EEF2KMT: variants seen among roughly 807,000 people sequenced by gnomAD.
EEF2KMT encodes protein-lysine N-methyltransferase EEF2KMT.
EEF2KMT carries 30 observed loss-of-function variants against 35.1 expected under a neutral mutation model. That is an observed-to-expected ratio of 0.85 (90% confidence interval 0.64 to 1.16). The LOEUF (loss-of-function observed/expected upper bound fraction) is 1.16. Ranked by LOEUF, EEF2KMT falls within the 50% of genes most tolerant of loss-of-function variation. The pLI, the probability that EEF2KMT is intolerant of heterozygous loss-of-function variation, is 0.00. For synonymous variants in EEF2KMT, 190 were observed against 187.7 expected, an observed-to-expected ratio of 1.01 and a Z score of -0.10; for missense variants, 499 against 438.2, an observed-to-expected ratio of 1.14 and a Z score of -1.24.
At chr16:5,095,321 G>T in intron 2 of EEF2KMT, 131 bp downstream of exon 2, 3 of 1,425,798 alleles carry the variant, frequency 2.1e-6, no homozygotes, top group Non-Finnish European at 2.9e-6. Context: ...CTGCAGTGCT[G>T]ACTCAATGGT....
intron 7 of EEF2KMT, among the ~76,000 whole-genome samples, chr16:5,087,928 TTTTTTTTTA>T (rs1227724312): frequency 4.5e-5 from 1 of 22,308 alleles, no homozygotes; most frequent in Non-Finnish European, 1.3e-4. Context: ...ACTTCCTTTT[TTTTTTTTTA>T]TTTTTTATTT....
chr16:5,093,630 C>T, intron 2 of EEF2KMT, 66 bp from the exon 3 acceptor site: 2 of 1,608,038 alleles, frequency 1.2e-6, no homozygotes, highest in South Asian at 2.2e-5. Flanking sequence ...AGCTTCAAGC[C>T]AACACAGCAG....
chr16:5,086,675 T>A (rs1389511721), intron 7 of EEF2KMT: 1 of 151,888 alleles, frequency 6.6e-6, no homozygotes, highest in Non-Finnish European at 1.5e-5. Context: ...TCAGCCTCTT[T>A]TATTATTTGT....
chr16:5,093,390 T>C, intron 3 of EEF2KMT, 94 bp downstream of exon 3: 1 of 1,580,112 alleles, frequency 6.3e-7, no homozygotes. Flanking sequence ...TGCTGGGGTT[T>C]GCAAAGCAGG....
In EEF2KMT at chr16:5,090,526, T is replaced by C. The variant is rs759649441; in HGVS notation, c.382A>G (p.Ile128Val). Residue 128 changes from isoleucine (I) to valine (V), a missense_variant, in exon 5 of 8, where the codon ATC (isoleucine) becomes GTC (valine). Transcript: ENST00000427587. This position sits in a 1 kb window ranked among gnomAD's most constrained non-coding sequence, Gnocchi z 4.1. ...AGGCCTGTGGTACCGTAGGAGATGATGGCCGTGCTCTCGGAGAGTGTGACC... is the reference window on the plus strand; with the variant it reads ...AGGCCTGTGGTACCGTAGGAGATGACGGCCGTGCTCTCGGAGAGTGTGACC... Reference protein sequence around the residue: ...GSVTLSESTAIISYGTTGLVT... With the variant: ...GSVTLSESTAVISYGTTGLVT... 1.6e-5 allele frequency: 25 copies of C among 1,611,812 alleles called. No homozygotes were observed. The highest frequency in any genetic ancestry group is 1.7e-6 in the Non-Finnish European group (2 of 1,179,822).
Position 5,090,712 on chromosome 16 carries a change from A to G in EEF2KMT, c.343-147T>C, listed in dbSNP as rs553729289. 17 of 1,117,630 alleles carry G rather than the reference A, an allele frequency of 1.5e-5. 1 individual carries two copies. The African/African-American group carries it at 1.9e-4, about 12-fold the overall frequency. 69.2% of individuals were successfully genotyped at this position (1,117,630 alleles called of 1,614,324 possible). On this transcript the variant is annotated intron_variant, in intron 4 of 7. Coordinates refer to ENST00000427587, the MANE Select transcript of EEF2KMT (RefSeq NM_201400.4). This position sits in a 1 kb window ranked among gnomAD's most constrained non-coding sequence, Gnocchi z 4.1. ...GAAGCAGCTAACTGTTGGCATGCCA[A>G]CAGCTTTCACGGGCCTCAAGGGTGT...
At chr16:5,085,784 T>C in intron 7 of EEF2KMT, 52 bp from the exon 8 acceptor site, 2 of 1,382,244 alleles carry the variant, frequency 1.4e-6, no homozygotes, top group Non-Finnish European at 2.1e-6. Flanking sequence ...GGACAGGACA[T>C]GAGGGTATTG....
At chr16:5,093,441 G>C in intron 3 of EEF2KMT, 43 bp downstream of exon 3, 1 of 1,611,398 alleles carries the variant, frequency 6.2e-7, no homozygotes, top group Non-Finnish European at 8.5e-7. Context: ...CACGCAGGTG[G>C]CTATGCTGTC....
chr16:5,089,380 A>C lies in EEF2KMT; in HGVS notation c.743-124T>G, dbSNP rs528235024. 2.8e-4 allele frequency: 366 copies of C among 1,320,042 alleles called. 3 individuals are homozygous for C. The South Asian group carries it at 4.9e-3, about 18-fold the overall frequency. 81.8% of individuals were successfully genotyped at this position (1,320,042 alleles called of 1,614,324 possible). A position where few individuals can be genotyped will look rare whatever the true frequency, so the allele number is the denominator to read the frequency against. On this transcript the variant is annotated intron_variant, in intron 6 of 7. Transcript: ENST00000427587. ...TGAGACTAGTAGATGCCATTTGACC[A>C]TTTGGGCCATTAGATGGAAAGGCAA...
In EEF2KMT at chr16:5,089,204, C is replaced by T. The variant is rs1357834531; in HGVS notation, c.795G>A (p.Arg265=). 2 of 1,610,464 alleles carry T rather than the reference C, an allele frequency of 1.2e-6. No homozygotes were observed. The highest frequency in any genetic ancestry group is 1.1e-5 in the South Asian group (1 of 91,004). ...AIMSLVGVLR[R]LAACREHQRA... Reference sequence around the variant, plus strand: ...GCTGGTGCTCCCGGCAGGCAGCCAGCCTCCGCAGGACCCCGACCAGCGACA... The same window carrying T: ...GCTGGTGCTCCCGGCAGGCAGCCAGTCTCCGCAGGACCCCGACCAGCGACA... Residue 265 remains arginine (R), a synonymous_variant, in exon 7 of 8, where the codon AGG becomes AGA. Coordinates refer to ENST00000427587, the MANE Select transcript of EEF2KMT (RefSeq NM_201400.4).
intron 4 of EEF2KMT, 48 bp downstream of exon 4, chr16:5,091,746 A>G: frequency 6.2e-7 from 1 of 1,609,192 alleles, no homozygotes; most frequent in Admixed American, 1.7e-5. Flanking sequence ...TTGTCTGTGC[A>G]GGAAGGGTAT....
chr16:5,097,402 C>T (rs142319711), intron 1 of EEF2KMT: 18,249 of 1,463,944 alleles, frequency 0.012, 150 homozygotes, highest in Non-Finnish European at 0.014. Flanking sequence ...ACACCGAGCG[C>T]GCGTCTGCCC....
chr16:5,085,104 G>T lies in EEF2KMT; in HGVS notation c.*528C>A, dbSNP rs1368759470. On this transcript the variant is annotated 3_prime_UTR_variant, in exon 8 of 8. Transcript: ENST00000427587. ...TTGGAAACGCTTCCTCTCTTCTTCT[G>T]TTCTTCACGCCCCATGCCCCTGCTA... The T allele has an allele frequency of 3.9e-6, 3 of 765,348 alleles. No individual in the cohort carries two copies. The East Asian group carries it at 8.1e-5, about 21-fold the overall frequency. 47.4% of individuals were successfully genotyped at this position (765,348 alleles called of 1,614,324 possible).
At chr16:5,093,083 T>C (rs1194227923) in intron 3 of EEF2KMT, among the ~76,000 whole-genome samples, 1 of 152,232 alleles carries the variant, frequency 6.6e-6, no homozygotes, top group Non-Finnish European at 1.5e-5. Context: ...TGGCAAGAGC[T>C]AAATCTTCCA....
At position 5,085,129 on chromosome 16, in the gene EEF2KMT, AGC is replaced by A. The variant is rs1474245819; in HGVS notation, c.*501_*502del. ...GTTCTTCACGCCCCATGCCCCTGCT[AGC>A]GTATTACTGTTCTGTGACTTCCCTG... On this transcript the variant is annotated 3_prime_UTR_variant, in exon 8 of 8. Transcript: ENST00000427587. 1.5e-6 allele frequency: 1 copy of A among 671,210 alleles called. No homozygotes were observed. The highest frequency in any genetic ancestry group is 2.5e-6 in the Non-Finnish European group (1 of 401,518). 41.6% of individuals were successfully genotyped at this position (671,210 alleles called of 1,614,324 possible).
intron 1 of EEF2KMT, among the ~76,000 whole-genome samples, chr16:5,096,034 C>G (rs536367384): frequency 6.6e-5 from 10 of 152,072 alleles, no homozygotes; most frequent in African/African-American, 1.9e-4. Context: ...GTCCTAATCC[C>G]TCTCTCTGGC....
At chr16:5,092,148 T>TA (rs111681883) in intron 3 of EEF2KMT, among the ~76,000 whole-genome samples, 34 of 148,188 alleles carry the variant, frequency 2.3e-4, no homozygotes, top group African/African-American at 5.7e-4. Flanking sequence ...ACCTTGTCTC[T>TA]AAAAAAAAAA....
chr16:5,092,043 T>G (rs781000510), intron 3 of EEF2KMT, 148 bp from the exon 4 acceptor site: 72 of 1,466,808 alleles, frequency 4.9e-5, no homozygotes, highest in South Asian at 6.3e-5. Context: ...TTCGTTGGGC[T>G]TGGTGGTGTG....
At chr16:5,095,422 C>G in intron 2 of EEF2KMT, 30 bp downstream of exon 2, 1 of 1,611,048 alleles carries the variant, frequency 6.2e-7, no homozygotes, top group South Asian at 1.1e-5. Context: ...GAGGCAGGGT[C>G]ATGAGTCCCA....
Sources: allele counts gnomAD v4.1 joint callset (sites outside exome capture counted in the v4.1 genomes callset), GRCh38; gene constraint gnomAD v4.1.1; non-coding constraint Gnocchi (gnomAD v3.1); transcripts MANE v1.5; gene names NCBI Gene and HGNC (gene_info 2026-07-23, HGNC 2026-07-21).